FARSA: variants seen among roughly 807,000 people sequenced by gnomAD.
The protein encoded by FARSA is phenylalanine--tRNA ligase alpha subunit.
A neutral mutation model predicts 63.2 loss-of-function variants in FARSA; 37 were observed. That is an observed-to-expected ratio of 0.59 (90% CI 0.45 to 0.77). The LOEUF is 0.77. Ranked by LOEUF, FARSA falls within the 30% of genes least tolerant of loss-of-function variation. FARSA has a pLI of 0.00. For synonymous variants in FARSA, 312 were observed against 285.1 expected, an observed-to-expected ratio of 1.09 and a Z score of -0.95; for missense variants, 618 against 696.6, an observed-to-expected ratio of 0.89 and a Z score of 1.27.
chr19:12,932,610 C>G (rs564283665), intron 1 of FARSA, among the ~76,000 whole-genome samples: 33 of 152,272 alleles, frequency 2.2e-4, no homozygotes, highest in Non-Finnish European at 4.0e-4. Context: ...ATGGGAATAA[C>G]ATGGCCATCA....
chr19:12,924,409 G>A lies in FARSA; in HGVS notation c.1273+40C>T. 1.2e-6 allele frequency: 2 copies of A among 1,603,744 alleles called. No individual in the cohort carries two copies. The highest frequency in any genetic ancestry group is 1.7e-6 in the Non-Finnish European group (2 of 1,173,354). On this transcript the variant is annotated intron_variant, in intron 11 of 12. Coordinates refer to ENST00000314606, the MANE Select transcript of FARSA (RefSeq NM_004461.3). The surrounding 1 kb of genome is among the most constrained non-coding windows in gnomAD (Gnocchi z 6.4). ...GACCCAGGCCAAACCATAGTAGCCT[G>A]AGACCTCCCTCCCACCCCAGTACCA...
rs1239375661 is a variant in FARSA, at chr19:12,933,701, C to T, written c.-5G>A. The T allele has an allele frequency of 6.4e-7, 1 of 1,563,170 alleles. No homozygotes were observed. The highest frequency in any genetic ancestry group is 8.6e-7 in the Non-Finnish European group (1 of 1,158,386). On this transcript the variant is annotated 5_prime_UTR_variant, in exon 1 of 13. Coordinates refer to ENST00000314606, the MANE Select transcript of FARSA (RefSeq NM_004461.3). ...CGCCACCTGACCATCCGCCATGACT[C>T]CTTCCAGTGTGCTCAGCGTGTCCGG...
Position 12,928,357 on chromosome 19 carries a change from T to C in FARSA, c.826A>G (p.Thr276Ala). Residue 276 changes from threonine to alanine, a missense_variant, in exon 7 of 13, where the codon ACC (threonine) becomes GCC (alanine). Thr to Ala is a moderately conservative substitution (Grantham distance 58). Transcript: ENST00000314606. ...GCTGACCCACCTCGAAGGAAGAAGG[T>C]GTCGTGCTGGTCACGGGCTGGGTGC... is the stretch of plus-strand genomic sequence containing the variant. The part of the protein sequence containing the change: ...QQHPARDQHD[T>A]FFLRDPAEAL... 6.2e-7 allele frequency: 1 copy of C among 1,613,852 alleles called. No individual in the cohort carries two copies. The highest frequency in any genetic ancestry group is 8.5e-7 in the Non-Finnish European group (1 of 1,179,902).
Position 12,924,368 on chromosome 19 carries a change from G to C in FARSA, c.1273+81C>G. On this transcript the variant is annotated intron_variant, in intron 11 of 12. Transcript: ENST00000314606. The surrounding 1 kb of genome is among the most constrained non-coding windows in gnomAD (Gnocchi z 6.4). ...TGGTGAGCTTGGGAGGTGGGGTACA[G>C]GCATGGCAATGGGGGGACCCAGGCC... The C allele has an allele frequency of 3.2e-6, 5 of 1,544,606 alleles. No homozygotes were observed. The highest frequency in any genetic ancestry group is 2.2e-5 in the East Asian group (1 of 44,574).
chr19:12,933,357 G>C (rs953979346), intron 1 of FARSA, 193 bp downstream of exon 1: 2 of 632,748 alleles, frequency 3.2e-6, no homozygotes, highest in African/African-American at 1.9e-5. Context: ...CTCAATAAAC[G>C]TTTATTGCAT....
chr19:12,924,538 G>C lies in FARSA; in HGVS notation c.1196-12C>G, dbSNP rs538279708. The C allele has an allele frequency of 3.1e-6, 5 of 1,613,014 alleles. No homozygotes were observed. Among genetic ancestry groups the C allele is most frequent in the South Asian group, 1.1e-5 (1 of 91,076 alleles). ...GAGTTGCGTGATACCTGCAGGAAGT[G>C]GGGGGCGGGCAGGAGAGCAGGGGTT... On this transcript the variant is annotated splice_polypyrimidine_tract_variant and intron_variant, in intron 10 of 12. Transcript: ENST00000314606. The surrounding 1 kb of genome is among the most constrained non-coding windows in gnomAD (Gnocchi z 6.4).
At chr19:12,923,491 G>T (rs751617885) in intron 12 of FARSA, among the ~76,000 whole-genome samples, 1 of 152,016 alleles carries the variant, frequency 6.6e-6, no homozygotes, top group African/African-American at 2.4e-5. Context: ...TAGTAGAGAC[G>T]GGAGACAGAG....
At chr19:12,933,461 G>C in intron 1 of FARSA, 89 bp downstream of exon 1, 2 of 1,458,228 alleles carry the variant, frequency 1.4e-6, no homozygotes, top group Non-Finnish European at 1.8e-6. Flanking sequence ...AACTAGGCCT[G>C]AGGGAATTTG....
At position 12,924,527 on chromosome 19, in the gene FARSA, C is replaced by T; in HGVS notation, c.1196-1G>A. ...GGCTTGAAGCGGAGTTGCGTGATAC[C>T]TGCAGGAAGTGGGGGGCGGGCAGGA... On this transcript the variant is annotated splice_acceptor_variant, in intron 10 of 12. Transcript: ENST00000314606. LOFTEE classifies it high-confidence loss of function. This position sits in a 1 kb window ranked among gnomAD's most constrained non-coding sequence, Gnocchi z 6.4. The T allele has an allele frequency of 6.2e-7, 1 of 1,613,566 alleles. No homozygotes were observed. The highest frequency in any genetic ancestry group is 8.5e-7 in the Non-Finnish European group (1 of 1,180,022).
intron 4 of FARSA, among the ~76,000 whole-genome samples, chr19:12,929,417 G>A (rs1451939871): frequency 1.3e-5 from 2 of 152,172 alleles, no homozygotes; most frequent in Non-Finnish European, 2.9e-5. Context: ...ATGTTGGCCA[G>A]GCTGGTCTCG....
rs369553087 is a variant in FARSA at position 12,928,451 on chromosome 19, G to A, written c.732C>T (p.Thr244=). Residue 244 remains threonine, a synonymous_variant, in exon 7 of 13, where the codon ACC becomes ACT. Coordinates refer to ENST00000314606, the MANE Select transcript of FARSA (RefSeq NM_004461.3). ...FRQIFLEMGF[T]EMPTDNFIES... is the part of the protein sequence containing the mutation. ...CAATGAAGTTATCAGTCGGCATCTC[G>A]GTGAACCTGGTGGGAGACACAGCCT... 9 of 1,613,932 alleles carry A rather than the reference G, an allele frequency of 5.6e-6. No homozygotes were observed. Among genetic ancestry groups the A allele is most frequent in the African/African-American group, 5.3e-5 (4 of 74,902 alleles).
At position 12,924,478 on chromosome 19, in the gene FARSA, G is replaced by C. The variant is rs1229947567; in HGVS notation, c.1244C>G (p.Pro415Arg). Reference protein sequence around the residue: ...FKPAYNPYTEPSMEVFSYHQG... With the variant: ...FKPAYNPYTERSMEVFSYHQG... ...GTGGTAGCTGAACACCTCCATGCTG[G>C]GCTCTGTGTATGGGTTGTAGGCTGG... Residue 415 changes from proline to arginine, a missense_variant, in exon 11 of 13, where the codon CCC becomes CGC. Transcript: ENST00000314606. The surrounding 1 kb of genome is among the most constrained non-coding windows in gnomAD (Gnocchi z 6.4). 1 of 1,613,522 alleles carries C rather than the reference G, an allele frequency of 6.2e-7. No individual in the cohort carries two copies. The highest frequency in any genetic ancestry group is 1.1e-5 in the South Asian group (1 of 91,090).
chr19:12,927,710 C>T (rs1317096961), intron 7 of FARSA, among the ~76,000 whole-genome samples: 1 of 101,262 alleles, frequency 9.9e-6, no homozygotes, highest in South Asian at 3.6e-4. Context: ...CTAGCTTGGG[C>T]GACAGAATGA....
rs143111515 is a variant in FARSA at position 12,922,751 on chromosome 19, C to T, written c.1524G>A (p.Ala508=). 2.2e-5 allele frequency: 35 copies of T among 1,613,658 alleles called. No homozygotes were observed. Among genetic ancestry groups the T allele is most frequent in the African/African-American group, 9.3e-5 (7 of 75,034 alleles). ...ACCTGTCCTAGAGTGGCCCATGTCA[C>T]GCAGCCTCCTGTGTGGGAGGGGGCC... ...EPRPPPTQEA[A] The change falls in exon 13 of 13, where the codon GCG becomes GCA. Residue 508 remains alanine (A), a synonymous_variant. Coordinates refer to ENST00000314606, the MANE Select transcript of FARSA (RefSeq NM_004461.3).
In FARSA at chr19:12,930,846, C is replaced by A. The variant is rs550277132; in HGVS notation, c.148-97G>T. 32 of 1,431,484 alleles carry A rather than the reference C, an allele frequency of 2.2e-5. 2 individuals are homozygous for A. In the South Asian group the frequency reaches 3.0e-4, roughly 13 times the overall value. 88.7% of individuals were successfully genotyped at this position (1,431,484 alleles called of 1,614,324 possible). On this transcript the variant is annotated intron_variant, in intron 1 of 12. Transcript: ENST00000314606. ...CTGGGTCCCAGGTTGAAAGCACAGC[C>A]CTTAAAGCTAGGTTCACATCCCAGC...
Position 12,930,496 on chromosome 19 carries a change from T to C in FARSA, c.317A>G (p.Lys106Arg). 6.2e-7 allele frequency: 1 copy of C among 1,614,194 alleles called. No homozygotes were observed. Among genetic ancestry groups the C allele is most frequent in the Non-Finnish European group, 8.5e-7 (1 of 1,180,012 alleles). Residue 106 changes from lysine to arginine, a missense_variant, in exon 3 of 13, where the codon AAG (lysine) becomes AGG (arginine). Physicochemically the swap from Lys to Arg is conservative, Grantham distance 26 (BLOSUM62 2). Transcript: ENST00000314606. ...CCGAATCCACTTGTTGGACATGGCC[T>C]TGCTGAAGCCCACTTTGCCACTGGG... ...RLPSGKVGFS[K>R]AMSNKWIRVD...
In FARSA at chr19:12,932,106, C is replaced by T. The variant is rs185765471; in HGVS notation, c.148-1357G>A. On this transcript the variant is annotated intron_variant, in intron 1 of 12. Transcript: ENST00000314606. Reference sequence around the variant, plus strand: ...CAGGCTGGAGTGCGATCTCGGCTCACTGCAACCTCCACCTCCCGATTCAAA... The same window carrying T: ...CAGGCTGGAGTGCGATCTCGGCTCATTGCAACCTCCACCTCCCGATTCAAA... Among the ~76,000 whole-genome samples the T allele has an allele frequency of 1.3e-4, 19 of 149,014 alleles. No homozygotes were observed. The East Asian group carries it at 3.8e-3, about 30-fold the overall frequency.
chr19:12,931,990 C>T (rs936566413), intron 1 of FARSA, among the ~76,000 whole-genome samples: 11 of 151,820 alleles, frequency 7.2e-5, no homozygotes, highest in African/African-American at 2.2e-4. Context: ...TAAATTAATA[C>T]TCAGAAAGAA....
chr19:12,922,530 A>G lies in FARSA; in HGVS notation c.*218T>C, dbSNP rs1971275009. ...CAATAGGTGGCCCACAGGTCTCCTC[A>G]GGGCCCACCCTCACAGTAGACACAC... On this transcript the variant is annotated 3_prime_UTR_variant, in exon 13 of 13. Coordinates refer to ENST00000314606, the MANE Select transcript of FARSA (RefSeq NM_004461.3). 1.7e-6 allele frequency: 1 copy of G among 601,412 alleles called. No homozygotes were observed. The highest frequency in any genetic ancestry group is 2.8e-5 in the East Asian group (1 of 35,210). 37.3% of individuals were successfully genotyped at this position (601,412 alleles called of 1,614,324 possible).
Sources: allele counts gnomAD v4.1 joint callset (sites outside exome capture counted in the v4.1 genomes callset), GRCh38; gene constraint gnomAD v4.1.1; non-coding constraint Gnocchi (gnomAD v3.1); transcripts MANE v1.5; gene names NCBI Gene and HGNC (gene_info 2026-07-23, HGNC 2026-07-21).